Variants in DPP7 observed in about 807,000 individuals in gnomAD.
DPP7 encodes dipeptidyl peptidase 7, also known as dipeptidyl peptidase 2.
Under a neutral mutation model 58.8 loss-of-function variants are expected in DPP7, and 74 were observed. The observed-to-expected ratio is 1.26, with a 90% CI of 1.04 to 1.53. The LOEUF is 1.53. DPP7 is among the 40% of genes most tolerant of loss of function. The probability of loss-of-function intolerance (pLI) is 0.00; values close to 1 mark genes in which losing one functional copy is unlikely to be tolerated. For missense variants in DPP7, 807 were observed against 692.3 expected (o/e 1.17, Z -1.86); for synonymous variants, 350 against 303.6 (o/e 1.15, Z -1.59).
chr9:137,112,472 C>T lies in DPP7; in HGVS notation c.932-242G>A, dbSNP rs1458559950. The T allele has an allele frequency of 2.1e-5, 13 of 621,500 alleles. No individual in the cohort carries two copies. In the East Asian group the frequency reaches 2.2e-4, roughly 11 times the overall value. 38.5% of individuals were successfully genotyped at this position (621,500 alleles called of 1,614,324 possible). A position where few individuals can be genotyped will look rare whatever the true frequency, so the allele number is the denominator to read the frequency against. On this transcript the variant is annotated intron_variant, in intron 8 of 12. Coordinates refer to ENST00000371579, the MANE Select transcript of DPP7 (RefSeq NM_013379.3). Reference sequence around the variant, plus strand: ...CACGGGGCAGGGTGGGGCCTGCTGCCCTCTGTTGCCCTCCATGCTGGGGAC... The same window carrying T: ...CACGGGGCAGGGTGGGGCCTGCTGCTCTCTGTTGCCCTCCATGCTGGGGAC...
At chr9:137,111,623 GAA>G in intron 11 of DPP7, 65 bp downstream of exon 11, 1 of 1,564,196 alleles carries the variant, frequency 6.4e-7, no homozygotes, top group Middle Eastern at 1.7e-4. Flanking sequence ...GGGCGCCAGA[GAA>G]AGACCCTGTC....
Position 137,113,278 on chromosome 9 carries a change from C to T in DPP7, c.631G>A (p.Gly211Ser), listed in dbSNP as rs2131152432. Residue 211 changes from glycine to serine, a missense_variant, in exon 6 of 13, where the codon GGC becomes AGC. Transcript: ENST00000371579. Reference protein sequence around the residue: ...FFRDVTADFEGQSPKCTQGVR... With the variant: ...FFRDVTADFESQSPKCTQGVR... ...CCCTGGGTGCATTTGGGACTCTGGCCCTCAAAGTCCTGGGGGAAAGAGACC... is the reference window on the plus strand; with the variant it reads ...CCCTGGGTGCATTTGGGACTCTGGCTCTCAAAGTCCTGGGGGAAAGAGACC... 1.2e-6 allele frequency: 2 copies of T among 1,613,738 alleles called. No individual in the cohort carries two copies. The highest frequency in any genetic ancestry group is 2.2e-5 in the East Asian group (1 of 44,868).
rs1034227376 is a variant in DPP7, at chr9:137,114,020, G to T, written c.330C>A (p.Tyr110Ter). 4 of 1,492,212 alleles carry T rather than the reference G, an allele frequency of 2.7e-6. No homozygotes were observed. Among genetic ancestry groups the T allele is most frequent in the African/African-American group, 1.4e-5 (1 of 69,850 alleles). 92.4% of individuals were successfully genotyped at this position (1,492,212 alleles called of 1,614,324 possible). The change falls in exon 4 of 13, where the codon TAC becomes TAA. Residue 110 changes from tyrosine (Y) to a stop codon, truncating the protein, a stop_gained. Transcript: ENST00000371579. LOFTEE classifies it high-confidence loss of function. Reference sequence around the variant, plus strand: ...GCGCACCGAACGGCAGCGACTTCCCGTAGTAGCGCTGGGGGAACGTGCCAT... The same window carrying T: ...GCGCACCGAACGGCAGCGACTTCCCTTAGTAGCGCTGGGGGAACGTGCCAT... The part of the protein sequence containing the change: ...ALLVFAEHRY[Y>*]GKSLPFGAQS...
chr9:137,113,590 C>T (rs979224188), intron 4 of DPP7, 94 bp from the exon 5 acceptor site: 1 of 1,461,346 alleles, frequency 6.8e-7, no homozygotes, highest in Non-Finnish European at 9.0e-7. Context: ...AGGAGGACGA[C>T]ACTTCTGAGA....
upstream of DPP7, among the ~76,000 whole-genome samples, chr9:137,117,403 G>A (rs764298416): frequency 9.2e-5 from 14 of 152,230 alleles, no homozygotes; most frequent in African/African-American, 2.4e-4. Context: ...GCCCATCCCC[G>A]GAGCAGCACA....
rs1588663819 is a variant in DPP7, at chr9:137,112,232, T to C, written c.932-2A>G. On this transcript the variant is annotated splice_acceptor_variant, in intron 8 of 12. Transcript: ENST00000371579. LOFTEE classifies it high-confidence loss of function. ...AGCCCGAGGCGTTGTAGACCAGCCC[T>C]GGGGAGGAGAGGCGCTGGGGCCCAG... 1 of 1,596,760 alleles carries C rather than the reference T, an allele frequency of 6.3e-7. No homozygotes were observed. Among genetic ancestry groups the C allele is most frequent in the Non-Finnish European group, 8.5e-7 (1 of 1,178,278 alleles).
chr9:137,117,563 GCTC>G (rs551668638), upstream of DPP7, among the ~76,000 whole-genome samples: 1,171 of 152,272 alleles, frequency 7.7e-3, 10 homozygotes, highest in Admixed American at 0.011. Flanking sequence ...CATCTAGGCA[GCTC>G]CTCCACACCC....
At chr9:137,117,677 C>CT (rs1157290715), upstream of DPP7, among the ~76,000 whole-genome samples, 3 of 152,250 alleles carry the variant, frequency 2.0e-5, no homozygotes, top group African/African-American at 4.8e-5. Context: ...GACTGAAAGG[C>CT]TATCGGCGGG....
At chr9:137,112,579 C>T (rs1275657445) in intron 8 of DPP7, 166 bp downstream of exon 8, 9 of 863,960 alleles carry the variant, frequency 1.0e-5, no homozygotes, top group Admixed American at 2.7e-5. Context: ...ACGGCCCCTG[C>T]CTCCCCCAGG....
At chr9:137,113,162 C>T (rs376201008) in intron 6 of DPP7, 43 bp from the exon 7 acceptor site, 57 of 1,613,572 alleles carry the variant, frequency 3.5e-5, no homozygotes, top group East Asian at 6.7e-5. Context: ...GCATAGCTGG[C>T]GCTGGGGCGG....
chr9:137,111,926 G>A lies in DPP7; in HGVS notation c.1154C>T (p.Thr385Ile), dbSNP rs139530173. The change falls in exon 10 of 13, where the codon ACC (threonine) becomes ATC (isoleucine). Residue 385 changes from threonine to isoleucine, a missense_variant. Thr to Ile is a moderately conservative substitution (Grantham distance 89, BLOSUM62 -1). Coordinates refer to ENST00000371579, the MANE Select transcript of DPP7 (RefSeq NM_013379.3). ...DELRQRYCLD[T>I]WGVWPRPDWL... ...GTCGGGCCGGGGCCACACGCCCCAGGTGTCCAGGCAGTACCGCTGGCGGAG... is the reference window on the plus strand; with the variant it reads ...GTCGGGCCGGGGCCACACGCCCCAGATGTCCAGGCAGTACCGCTGGCGGAG... The A allele has an allele frequency of 6.5e-3, 10,537 of 1,613,504 alleles. 52 individuals carry two copies. The highest frequency in any genetic ancestry group is 7.6e-3 in the Non-Finnish European group (9,018 of 1,179,840).
upstream of DPP7, among the ~76,000 whole-genome samples, chr9:137,117,564 C>T (rs1279578030): frequency 1.3e-5 from 2 of 149,862 alleles, no homozygotes; most frequent in African/African-American, 4.9e-5. Flanking sequence ...ATCTAGGCAG[C>T]TCCTCCACAC....
intron 5 of DPP7, 32 bp from the exon 6 acceptor site, chr9:137,113,319 G>A (rs1831470055): frequency 6.2e-7 from 1 of 1,613,186 alleles, no homozygotes; most frequent in African/African-American, 1.3e-5. Context: ...GACTGCAGCT[G>A]CTGTCCCTTA....
At chr9:137,117,769 C>G (rs1468230589), upstream of DPP7, among the ~76,000 whole-genome samples, 2 of 152,214 alleles carry the variant, frequency 1.3e-5, no homozygotes, top group Admixed American at 1.3e-4. Context: ...AAATTGACCA[C>G]TTAACCACTT....
At position 137,113,440 on chromosome 9, in the gene DPP7, C is replaced by T. The variant is rs11547765; in HGVS notation, c.542G>A (p.Gly181Glu). Reference sequence around the variant, plus strand: ...AACGGGCGCGCTGGCCGCCAGCGCCCCCGCCACCAGGTGGGGATACTTCAT... The same window carrying T: ...AACGGGCGCGCTGGCCGCCAGCGCCTCCGCCACCAGGTGGGGATACTTCAT... ...LRMKYPHLVAGALAASAPVLA... is the reference protein window; with the variant it reads ...LRMKYPHLVAEALAASAPVLA... Residue 181 changes from glycine to glutamate, a missense_variant, in exon 5 of 13, where the codon GGG (glycine) becomes GAG (glutamate). Gly to Glu is a moderately conservative substitution (Grantham distance 98, BLOSUM62 -2). Around this residue, in one of 3 missense-constraint regions of DPP7, gnomAD observed 624 missense variants for 531.2 expected, o/e 1.17. Transcript: ENST00000371579. The T allele has an allele frequency of 1.2e-6, 2 of 1,605,074 alleles. No homozygotes were observed. The highest frequency in any genetic ancestry group is 3.4e-5 in the Admixed American group (2 of 59,042).
chr9:137,115,870 G>C (rs1429720934), upstream of DPP7, among the ~76,000 whole-genome samples: 1 of 152,188 alleles, frequency 6.6e-6, no homozygotes. Flanking sequence ...GCCTGCCGGG[G>C]CCCCCGCAGG....
Position 137,114,555 on chromosome 9 carries a change from C to T in DPP7, c.89G>A (p.Gly30Asp). 1 of 1,561,592 alleles carries T rather than the reference C, an allele frequency of 6.4e-7. No homozygotes were observed. The change falls in exon 2 of 13, where the codon GGC becomes GAC. Residue 30 changes from glycine to aspartate, a missense_variant. By Grantham distance (94) the Gly-to-Asp change is moderately conservative. This residue lies in a region of DPP7 where 168 missense variants were observed against 124.1 expected (regional missense o/e 1.35). Coordinates refer to ENST00000371579, the MANE Select transcript of DPP7 (RefSeq NM_013379.3). ...CTGCTGGAAGAAGCGCTCCTGGAAG[C>T]CGGGGTCCGGGGCCCTGCGGGCTGT... ...QAGARRAPDP[G>D]FQERFFQQRL...
chr9:137,113,293 G>A lies in DPP7; in HGVS notation c.622-6C>T, dbSNP rs368048414. 62 of 1,613,582 alleles carry A rather than the reference G, an allele frequency of 3.8e-5. No homozygotes were observed. The highest frequency in any genetic ancestry group is 1.2e-4 in the African/African-American group (9 of 74,916). On this transcript the variant is annotated splice_polypyrimidine_tract_variant and splice_region_variant and intron_variant, in intron 5 of 12. Coordinates refer to ENST00000371579, the MANE Select transcript of DPP7 (RefSeq NM_013379.3). Reference sequence around the variant, plus strand: ...GGACTCTGGCCCTCAAAGTCCTGGGGGAAAGAGACCGTGCTGACTGCAGCT... The same window carrying A: ...GGACTCTGGCCCTCAAAGTCCTGGGAGAAAGAGACCGTGCTGACTGCAGCT...
Position 137,113,925 on chromosome 9 carries a change from A to G in DPP7, c.425T>C (p.Leu142Pro). The change falls in exon 4 of 13, where the codon CTC becomes CCC. Residue 142 changes from leucine (L) to proline (P), a missense_variant. By Grantham distance (98) the Leu-to-Pro change is moderately conservative. Around this residue, in one of 3 missense-constraint regions of DPP7, gnomAD observed 624 missense variants for 531.2 expected, o/e 1.17. Coordinates refer to ENST00000371579, the MANE Select transcript of DPP7 (RefSeq NM_013379.3). ...EQALADFAELLRALRRDLGAQ... is the reference protein window; with the variant it reads ...EQALADFAELPRALRRDLGAQ... The stretch of plus-strand genomic sequence containing the variant: ...CCCGAGGTCGCGTCGTAGCGCGCGG[A>G]GCAGCTCTGCGAAGTCGGCCAGGGC... 1 of 1,581,998 alleles carries G rather than the reference A, an allele frequency of 6.3e-7. No individual in the cohort carries two copies. The highest frequency in any genetic ancestry group is 1.7e-5 in the Admixed American group (1 of 58,614).
Sources: allele counts gnomAD v4.1 joint callset (sites outside exome capture counted in the v4.1 genomes callset), GRCh38; gene constraint gnomAD v4.1.1; regional missense constraint gnomAD v4.1.1; transcripts MANE v1.5; gene names NCBI Gene and HGNC (gene_info 2026-07-23, HGNC 2026-07-21).